The following SCD5 variants were observed in gnomAD, a reference collection of about 807,000 sequenced individuals.
The protein encoded by SCD5 is stearoyl-CoA desaturase 5.
SCD5 carries 20 observed loss-of-function variants against 30.4 expected under a neutral mutation model. The ratio of observed to expected loss-of-function variants is 0.66; its 90% CI spans 0.46 to 0.96. SCD5 has a LOEUF of 0.96. Ranked by LOEUF, SCD5 falls within the 40% of genes least tolerant of loss-of-function variation. SCD5 has a pLI of 0.00. For synonymous variants in SCD5, 173 were observed against 176.4 expected, an observed-to-expected ratio of 0.98 and a Z score of 0.16; for missense variants, 381 against 443.3, an observed-to-expected ratio of 0.86 and a Z score of 1.26.
intron 1 of SCD5, among the ~76,000 whole-genome samples, chr4:82,761,728 C>T (rs892861634): frequency 6.6e-6 from 1 of 152,044 alleles, no homozygotes; most frequent in Non-Finnish European, 1.5e-5. Context: ...TATCCCTCCC[C>T]CCTCTCCCCA....
intron 3 of SCD5, among the ~76,000 whole-genome samples, chr4:82,668,252 G>A (rs1182382647): frequency 6.6e-6 from 1 of 152,128 alleles, no homozygotes; most frequent in African/African-American, 2.4e-5. Flanking sequence ...AGAGAAAGAG[G>A]CAAATAGACA....
At chr4:82,757,315 C>T (rs1035187306) in intron 1 of SCD5, among the ~76,000 whole-genome samples, 6 of 152,146 alleles carry the variant, frequency 3.9e-5, no homozygotes, top group Non-Finnish European at 8.8e-5. Flanking sequence ...CTTCCCAGGA[C>T]CCCGAACCCA....
chr4:82,707,591 G>T (rs1253452472), intron 1 of SCD5, among the ~76,000 whole-genome samples: 2 of 152,210 alleles, frequency 1.3e-5, no homozygotes, highest in African/African-American at 4.8e-5. Context: ...CTTCTGTTTT[G>T]CTAGCAGATT....
At chr4:82,693,116 G>A (rs757119704) in intron 2 of SCD5, among the ~76,000 whole-genome samples, 20 of 152,278 alleles carry the variant, frequency 1.3e-4, no homozygotes, top group Admixed American at 5.2e-4. Context: ...GGGCAGGGCC[G>A]GGTTTGCTCT....
chr4:82,647,457 C>A (rs192115040), intron 3 of SCD5, among the ~76,000 whole-genome samples: 1 of 152,164 alleles, frequency 6.6e-6, no homozygotes, highest in Non-Finnish European at 1.5e-5. Flanking sequence ...GCTGAGGTAG[C>A]TGAATGGATT....
At chr4:82,719,302 C>T (rs4693499) in intron 1 of SCD5, among the ~76,000 whole-genome samples, 90,015 of 150,852 alleles carry the variant, frequency 0.6, 28,737 homozygotes, top group African/African-American at 0.82. Context: ...TCTGAATCAA[C>T]CCTCTTCATT....
intron 3 of SCD5, among the ~76,000 whole-genome samples, chr4:82,640,304 C>T (rs563998008): frequency 6.6e-6 from 1 of 152,156 alleles, no homozygotes; most frequent in Non-Finnish European, 1.5e-5. Context: ...ATGTGGTTTC[C>T]CAGGGGTAAG....
chr4:82,767,177 G>T (rs574219366), intron 1 of SCD5, among the ~76,000 whole-genome samples: 1 of 152,136 alleles, frequency 6.6e-6, no homozygotes, highest in East Asian at 1.9e-4. Context: ...GCACTGAGTA[G>T]TACTCAGCTA....
At chr4:82,640,864 A>T (rs1727527887) in intron 3 of SCD5, among the ~76,000 whole-genome samples, 1 of 152,104 alleles carries the variant, frequency 6.6e-6, no homozygotes, top group South Asian at 2.1e-4. Context: ...TCCTTTCGTC[A>T]TTTGGTGATA....
rs185607487 is a variant in SCD5, at chr4:82,780,501, C to T, written c.232+17805G>A. 7.9e-5 allele frequency among the ~76,000 whole-genome samples: 12 copies of T among 152,344 alleles called. No homozygotes were observed. The East Asian group carries it at 2.3e-3, about 29-fold the overall frequency. On this transcript the variant is annotated intron_variant, in intron 1 of 4. Coordinates refer to ENST00000319540, the MANE Select transcript of SCD5 (RefSeq NM_001037582.3). ...TAATCAGACACCTAAATCTCTCAGC[C>T]TGCCAGTCTCCAAGCAGGTGCAGAA...
chr4:82,663,536 C>T (rs1250248324), intron 3 of SCD5, among the ~76,000 whole-genome samples: 2 of 152,186 alleles, frequency 1.3e-5, no homozygotes. Flanking sequence ...AAAGCAAAAT[C>T]TTAACCCATT....
intron 1 of SCD5, among the ~76,000 whole-genome samples, chr4:82,787,760 G>A (rs547504286): frequency 2.1e-3 from 321 of 152,294 alleles, no homozygotes; most frequent in Non-Finnish European, 4.1e-3. Context: ...TAGACTCAGT[G>A]ACTCATGCCT....
intron 3 of SCD5, among the ~76,000 whole-genome samples, chr4:82,679,270 A>AAG (rs1728513304): frequency 8.5e-6 from 1 of 118,320 alleles, no homozygotes; most frequent in African/African-American, 3.2e-5. Context: ...GAAGGAAGGA[A>AAG]AGAAAGAAAG....
chr4:82,699,610 A>C (rs528430876), intron 2 of SCD5, among the ~76,000 whole-genome samples: 8 of 139,592 alleles, frequency 5.7e-5, no homozygotes, highest in Non-Finnish European at 1.2e-4. Context: ...CTTGTTCCCC[A>C]GGCTGGAGTG....
chr4:82,656,022 G>A (rs1347443526), intron 3 of SCD5, among the ~76,000 whole-genome samples: 4 of 152,000 alleles, frequency 2.6e-5, no homozygotes, highest in Non-Finnish European at 5.9e-5. Context: ...CCACAATAGG[G>A]GAAAATGTTT....
chr4:82,728,288 CT>C (rs1337536166), intron 1 of SCD5, among the ~76,000 whole-genome samples: 1 of 152,162 alleles, frequency 6.6e-6, no homozygotes, highest in African/African-American at 2.4e-5. Flanking sequence ...GTAGGCCAAG[CT>C]AAGTTTGGGA....
chr4:82,765,643 G>A (rs1281947249), intron 1 of SCD5, among the ~76,000 whole-genome samples: 2 of 149,892 alleles, frequency 1.3e-5, no homozygotes, highest in African/African-American at 2.5e-5. Flanking sequence ...TTGAGACAGA[G>A]TCTTGCTCTG....
chr4:82,710,898 G>C (rs1460715779), intron 1 of SCD5, among the ~76,000 whole-genome samples: 1 of 148,894 alleles, frequency 6.7e-6, no homozygotes, highest in Non-Finnish European at 1.5e-5. Context: ...ACGAGACAGA[G>C]AGAGAGAGAG....
At chr4:82,775,126 C>T (rs1245236928) in intron 1 of SCD5, among the ~76,000 whole-genome samples, 1 of 152,248 alleles carries the variant, frequency 6.6e-6, no homozygotes, top group East Asian at 1.9e-4. Flanking sequence ...AAAGCCATTG[C>T]TTCTGCCTCT....
Sources: allele counts gnomAD v4.1 joint callset (sites outside exome capture counted in the v4.1 genomes callset), GRCh38; gene constraint gnomAD v4.1.1; transcripts MANE v1.5; gene names NCBI Gene and HGNC (gene_info 2026-07-23, HGNC 2026-07-21).